The following DIXDC1 variants were observed in gnomAD, a reference collection of about 807,000 sequenced individuals.
DIXDC1 encodes DIX domain containing 1, also known as dixin.
A neutral mutation model predicts 103.1 loss-of-function variants in DIXDC1; 64 were observed. That is an observed-to-expected ratio of 0.62 (90% CI 0.51 to 0.76). The LOEUF is 0.76. Among genes scored for constraint, DIXDC1 ranks in the 30% least tolerant of loss-of-function variants. DIXDC1 has a pLI of 0.00. For synonymous variants in DIXDC1, 266 were observed against 298.5 expected (o/e 0.89, Z 1.12); for missense variants, 759 against 834.2 (o/e 0.91, Z 1.11).
chr11:111,992,317 C>A, intron 10 of DIXDC1, 98 bp from the exon 11 acceptor site: 1 of 1,099,708 alleles, frequency 9.1e-7, no homozygotes, highest in Non-Finnish European at 1.3e-6. Flanking sequence ...TCTGCCATAA[C>A]GAATGCTGGA....
intron 17 of DIXDC1, among the ~76,000 whole-genome samples, chr11:112,008,174 T>C (rs1218108728): frequency 6.7e-6 from 1 of 149,406 alleles, no homozygotes; most frequent in African/African-American, 2.5e-5. Flanking sequence ...AATCCTACTC[T>C]CTGATAAAAC....
chr11:111,990,639 A>C (rs1053280428), intron 10 of DIXDC1, among the ~76,000 whole-genome samples: 1 of 152,206 alleles, frequency 6.6e-6, no homozygotes, highest in Non-Finnish European at 1.5e-5. Flanking sequence ...TTTATTATAC[A>C]TGATAATTTC....
chr11:112,000,246 C>T (rs1861025288), intron 17 of DIXDC1, among the ~76,000 whole-genome samples: 1 of 152,130 alleles, frequency 6.6e-6, no homozygotes, highest in South Asian at 2.1e-4. Flanking sequence ...AGTAAGTAGA[C>T]AACCTACAGA....
chr11:111,932,426 C>A (rs751720449), upstream of DIXDC1, among the ~76,000 whole-genome samples: 35 of 151,356 alleles, frequency 2.3e-4, no homozygotes, highest in Non-Finnish European at 4.7e-4. Flanking sequence ...TTAAAAAAAT[C>A]ATGTAGAAAA....
At position 111,977,438 on chromosome 11, in the gene DIXDC1, T is replaced by C. The variant is rs2137541284; in HGVS notation, c.656+2455T>C. 8.2e-7 allele frequency: 1 copy of C among 1,222,864 alleles called. No homozygotes were observed. The highest frequency in any genetic ancestry group is 2.0e-5 in the South Asian group (1 of 51,072). The allele number at this position is 1,222,864 out of a possible 1,614,324, so 75.8% of individuals were successfully genotyped here. ...CAGGGGGGATGCCCGGCACCGTGCG[T>C]CCGCGGAGGCCAAGATGCAGCGGCC... On this transcript the variant is annotated intron_variant, in intron 5 of 19. Transcript: ENST00000440460. This position sits in a 1 kb window ranked among gnomAD's most constrained non-coding sequence, Gnocchi z 6.1.
At position 111,956,250 on chromosome 11, in the gene DIXDC1, G is replaced by A. The variant is rs12279023; in HGVS notation, c.61-8299G>A. Among the ~76,000 whole-genome samples, 674 of 152,152 alleles carry A rather than the reference G, an allele frequency of 4.4e-3. 3 individuals are homozygous for A. Among genetic ancestry groups the A allele is most frequent in the African/African-American group, 0.015 (640 of 41,508 alleles). ...GGGGGAATTTCAGAGTTGCTTACTT[G>A]GTACAGTTTCAATTTTGCAGTATGA... On this transcript the variant is annotated intron_variant, in intron 1 of 19. Coordinates refer to ENST00000440460, the MANE Select transcript of DIXDC1 (RefSeq NM_001037954.4).
At chr11:111,934,546 G>T (rs1966135319), upstream of DIXDC1, among the ~76,000 whole-genome samples, 1 of 152,216 alleles carries the variant, frequency 6.6e-6, no homozygotes, top group Admixed American at 6.5e-5. Flanking sequence ...TGGGATGCCT[G>T]ATCATTGTCC....
At chr11:111,996,807 G>A (rs782103889) in intron 17 of DIXDC1, among the ~76,000 whole-genome samples, 28 of 152,174 alleles carry the variant, frequency 1.8e-4, no homozygotes, top group Non-Finnish European at 3.1e-4. Flanking sequence ...CCCAGATTGC[G>A]CCATTGCACT....
intron 1 of DIXDC1, among the ~76,000 whole-genome samples, chr11:111,947,618 A>T (rs1242755581): frequency 1.3e-5 from 2 of 152,232 alleles, no homozygotes; most frequent in Admixed American, 1.3e-4. Flanking sequence ...AGAGAGACAG[A>T]CAGTTTAGTG....
At chr11:112,006,594 G>A (rs587671114) in intron 17 of DIXDC1, among the ~76,000 whole-genome samples, 5 of 152,302 alleles carry the variant, frequency 3.3e-5, no homozygotes, top group African/African-American at 9.6e-5. Flanking sequence ...ACAGAGGAAG[G>A]ATCAGGCAAT....
Position 111,962,279 on chromosome 11 carries a change from C to A in DIXDC1, c.61-2270C>A, listed in dbSNP as rs183753448. 5.8e-4 allele frequency among the ~76,000 whole-genome samples: 89 copies of A among 152,218 alleles called. 1 individual carries two copies. In the South Asian group the frequency reaches 6.7e-3, roughly 11 times the overall value. ...GGTGGATCACCTGAGGTCAGGAGTTCAAGACCAGCCTGACCAATATGGTGA... is the reference window on the plus strand; with the variant it reads ...GGTGGATCACCTGAGGTCAGGAGTTAAAGACCAGCCTGACCAATATGGTGA... On this transcript the variant is annotated intron_variant, in intron 1 of 19. Coordinates refer to ENST00000440460, the MANE Select transcript of DIXDC1 (RefSeq NM_001037954.4).
Position 111,977,876 on chromosome 11 carries a change from G to T in DIXDC1, c.657-2861G>T. The T allele has an allele frequency of 6.8e-7, 1 of 1,460,572 alleles. No homozygotes were observed. The highest frequency in any genetic ancestry group is 9.1e-7 in the Non-Finnish European group (1 of 1,102,542). 90.5% of individuals were successfully genotyped at this position (1,460,572 alleles called of 1,614,324 possible). ...GGGCTGGAGGATGCTGTTGGCCGGA[G>T]ACAGGCGGGGTGGTGGGAGCATTAT... On this transcript the variant is annotated intron_variant, in intron 5 of 19. Coordinates refer to ENST00000440460, the MANE Select transcript of DIXDC1 (RefSeq NM_001037954.4). This position sits in a 1 kb window ranked among gnomAD's most constrained non-coding sequence, Gnocchi z 6.1.
intron 17 of DIXDC1, among the ~76,000 whole-genome samples, chr11:112,013,688 C>G (rs1228833922): frequency 6.6e-6 from 1 of 152,140 alleles, no homozygotes; most frequent in Non-Finnish European, 1.5e-5. Flanking sequence ...AAAGGTCTTT[C>G]AAATTCATCC....
At chr11:111,964,764 A>G (rs1859675279) in intron 2 of DIXDC1, 86 bp downstream of exon 2, 1 of 1,441,198 alleles carries the variant, frequency 6.9e-7, no homozygotes, top group Non-Finnish European at 9.2e-7. Context: ...AGAGCAGGTT[A>G]TTTTTTCTTT....
At chr11:111,946,355 G>A (rs957645815) in intron 1 of DIXDC1, among the ~76,000 whole-genome samples, 1 of 152,058 alleles carries the variant, frequency 6.6e-6, no homozygotes, top group Non-Finnish European at 1.5e-5. Context: ...TGATCCGCCC[G>A]CCTTGGCCTC....
chr11:111,995,654 A>G, intron 16 of DIXDC1, 90 bp downstream of exon 16: 2 of 1,516,866 alleles, frequency 1.3e-6, no homozygotes, highest in Non-Finnish European at 1.8e-6. Context: ...CAGTGTGAAG[A>G]GATACAAGAC....
intron 12 of DIXDC1, 22 bp downstream of exon 12, chr11:111,993,026 G>C: frequency 6.3e-7 from 1 of 1,586,022 alleles, no homozygotes; most frequent in South Asian, 1.2e-5. Context: ...TATCAGTTTG[G>C]AAATGACTTC....
rs1428359081 is a variant in DIXDC1 at position 111,977,872 on chromosome 11, C to T, written c.657-2865C>T. On this transcript the variant is annotated intron_variant, in intron 5 of 19. Transcript: ENST00000440460. This position sits in a 1 kb window ranked among gnomAD's most constrained non-coding sequence, Gnocchi z 6.1. The stretch of plus-strand genomic sequence containing the variant: ...GGCAGGGCTGGAGGATGCTGTTGGC[C>T]GGAGACAGGCGGGGTGGTGGGAGCA... The T allele has an allele frequency of 6.2e-6, 9 of 1,457,864 alleles. No homozygotes were observed. The African/African-American group carries it at 1.0e-4, about 17-fold the overall frequency. The allele number at this position is 1,457,864 out of a possible 1,614,324, so 90.3% of individuals were successfully genotyped here.
intron 2 of DIXDC1, among the ~76,000 whole-genome samples, chr11:111,967,720 A>C (rs943191185): frequency 6.6e-6 from 1 of 152,232 alleles, no homozygotes; most frequent in Non-Finnish European, 1.5e-5. Context: ...GCGCGGGCGT[A>C]AGCCATGGCA....
Sources: gnomAD v4.1 joint callset for allele counts (sites outside exome capture counted in the v4.1 genomes callset) on GRCh38, gnomAD v4.1.1 for gene constraint, Gnocchi (gnomAD v3.1) non-coding constraint, MANE v1.5 for transcripts, NCBI Gene and HGNC (gene_info 2026-07-23, HGNC 2026-07-21) for gene names.